PIK3CB: variants seen among roughly 807,000 people sequenced by gnomAD.
PIK3CB encodes the protein phosphatidylinositol 4,5-bisphosphate 3-kinase catalytic subunit beta isoform.
In PIK3CB, 39 loss-of-function variants were observed where a neutral mutation model predicts 136.8. That is an observed-to-expected ratio of 0.29 (90% confidence interval 0.22 to 0.37). PIK3CB has a LOEUF of 0.37. Among genes scored for constraint, PIK3CB ranks in the 10% least tolerant of loss-of-function variants. The pLI, the probability that PIK3CB is intolerant of heterozygous loss-of-function variation, is 1.00. For missense variants in PIK3CB, 868 were observed against 1,275.4 expected, an observed-to-expected ratio of 0.68 and a Z score of 4.87; for synonymous variants, 428 against 436.6, an observed-to-expected ratio of 0.98 and a Z score of 0.25.
intron 1 of PIK3CB, among the ~76,000 whole-genome samples, chr3:138,797,723 A>G (rs1357117338): frequency 1.3e-5 from 2 of 152,158 alleles, no homozygotes; most frequent in Non-Finnish European, 2.9e-5. Context: ...ATGACTGTGT[A>G]GGGTAATGGG....
At chr3:138,698,329 T>A (rs1043739177) in intron 13 of PIK3CB, among the ~76,000 whole-genome samples, 15 of 152,192 alleles carry the variant, frequency 9.9e-5, no homozygotes, top group Admixed American at 9.8e-4. Context: ...GTTGTTTGAA[T>A]TGAATAAATG....
intron 2 of PIK3CB, among the ~76,000 whole-genome samples, chr3:138,777,106 C>T (rs941576267): frequency 6.6e-6 from 1 of 152,142 alleles, no homozygotes; most frequent in Non-Finnish European, 1.5e-5. Context: ...AGGCTGTGGG[C>T]AAAGTCATCT....
chr3:138,811,571 G>A (rs915863663), intron 1 of PIK3CB, among the ~76,000 whole-genome samples: 9 of 151,434 alleles, frequency 5.9e-5, no homozygotes, highest in African/African-American at 9.7e-5. Context: ...GATTACAGGC[G>A]CCCGCGACCA....
chr3:138,803,714 A>C (rs757714431), intron 1 of PIK3CB, among the ~76,000 whole-genome samples: 7 of 152,136 alleles, frequency 4.6e-5, no homozygotes, highest in Non-Finnish European at 8.8e-5. Context: ...GCTGAGTTTT[A>C]CCATGAAGGC....
chr3:138,776,137 G>T (rs2045855600), intron 2 of PIK3CB, among the ~76,000 whole-genome samples: 1 of 152,086 alleles, frequency 6.6e-6, no homozygotes, highest in South Asian at 2.1e-4. Context: ...GGCAAAGGTT[G>T]CACTGAGTGG....
At chr3:138,831,455 G>C (rs1401245876) in intron 1 of PIK3CB, among the ~76,000 whole-genome samples, 2 of 151,328 alleles carry the variant, frequency 1.3e-5, no homozygotes, top group African/African-American at 2.4e-5. Context: ...GCGTGGTGGC[G>C]GGTGCCTGTA....
chr3:138,708,688 C>T (rs1348420388), intron 10 of PIK3CB, among the ~76,000 whole-genome samples: 1 of 151,532 alleles, frequency 6.6e-6, no homozygotes, highest in African/African-American at 2.4e-5. Flanking sequence ...AACGATCCTC[C>T]TGCCTCAAGC....
chr3:138,685,537 T>C (rs1249673942), intron 16 of PIK3CB, among the ~76,000 whole-genome samples: 3 of 151,714 alleles, frequency 2.0e-5, no homozygotes, highest in African/African-American at 4.8e-5. Flanking sequence ...GCCAACTTCC[T>C]AGTATTAGAG....
At chr3:138,682,299 G>C (rs534632828) in intron 18 of PIK3CB, among the ~76,000 whole-genome samples, 1 of 152,142 alleles carries the variant, frequency 6.6e-6, no homozygotes, top group Admixed American at 6.6e-5. Flanking sequence ...CATAGCTTCG[G>C]AGAACTTTTA....
chr3:138,665,718 G>A (rs1234655085), intron 19 of PIK3CB, among the ~76,000 whole-genome samples: 3 of 152,064 alleles, frequency 2.0e-5, no homozygotes, highest in Non-Finnish European at 4.4e-5. Context: ...ACAGGCATGT[G>A]CCACCACGCC....
At chr3:138,746,970 T>G (rs1407481902) in intron 4 of PIK3CB, among the ~76,000 whole-genome samples, 1 of 146,152 alleles carries the variant, frequency 6.8e-6, no homozygotes, top group Non-Finnish European at 1.5e-5. Flanking sequence ...ACAATGGTAC[T>G]TATACTGGAT....
chr3:138,681,158 T>C (rs1056895949), intron 19 of PIK3CB, among the ~76,000 whole-genome samples: 1 of 150,650 alleles, frequency 6.6e-6, no homozygotes, highest in East Asian at 2.0e-4. Flanking sequence ...GCGATTCTCA[T>C]GCCTCAGCCA....
chr3:138,752,111 T>G lies in PIK3CB; in HGVS notation c.397+3643A>C, dbSNP rs369823984. 2.0e-3 allele frequency among the ~76,000 whole-genome samples: 312 copies of G among 152,310 alleles called. 1 individual carries two copies. Among genetic ancestry groups the G allele is most frequent in the African/African-American group, 7.1e-3 (295 of 41,570 alleles). The stretch of plus-strand genomic sequence containing the variant: ...TGCTAACAAAATCCTCTGATTACGA[T>G]TCTTTTACTGAGTGTTTGGAGAAAT... On this transcript the variant is annotated intron_variant, in intron 4 of 23. Transcript: ENST00000674063.
At chr3:138,818,710 G>T (rs546192794) in intron 1 of PIK3CB, among the ~76,000 whole-genome samples, 20 of 152,172 alleles carry the variant, frequency 1.3e-4, no homozygotes, top group African/African-American at 4.8e-4. Flanking sequence ...GCTCCCTCCT[G>T]CTAAAGAGCC....
At chr3:138,792,917 A>G (rs966326777) in intron 2 of PIK3CB, among the ~76,000 whole-genome samples, 1 of 152,172 alleles carries the variant, frequency 6.6e-6, no homozygotes, top group African/African-American at 2.4e-5. Flanking sequence ...AGCCAATATT[A>G]CACGTGTGTG....
At chr3:138,806,931 G>A (rs7612106) in intron 1 of PIK3CB, among the ~76,000 whole-genome samples, 63,818 of 152,094 alleles carry the variant, frequency 0.42, 14,211 homozygotes, top group Middle Eastern at 0.52. Flanking sequence ...TATAATATGC[G>A]CAAGCATTCC....
chr3:138,813,018 T>C (rs1003422498), intron 1 of PIK3CB, among the ~76,000 whole-genome samples: 2 of 152,186 alleles, frequency 1.3e-5, no homozygotes, highest in African/African-American at 4.8e-5. Context: ...CTTTCCATAG[T>C]TATGCAAGAT....
intron 5 of PIK3CB, among the ~76,000 whole-genome samples, chr3:138,738,899 T>C (rs2045175543): frequency 6.6e-6 from 1 of 152,204 alleles, no homozygotes; most frequent in Non-Finnish European, 1.5e-5. Flanking sequence ...TCCCCTGAAT[T>C]TAAGATGTCT....
intron 18 of PIK3CB, among the ~76,000 whole-genome samples, chr3:138,683,111 G>A (rs981348506): frequency 6.6e-6 from 1 of 152,136 alleles, no homozygotes; most frequent in Non-Finnish European, 1.5e-5. Context: ...CCAGCACTTT[G>A]AAAGGCCGGG....
Sources: gnomAD v4.1 joint callset for allele counts (sites outside exome capture counted in the v4.1 genomes callset) on GRCh38, gnomAD v4.1.1 for gene constraint, MANE v1.5 for transcripts, NCBI Gene and HGNC (gene_info 2026-07-23, HGNC 2026-07-21) for gene names.